The following SV2C variants were observed in gnomAD, a reference collection of about 807,000 sequenced individuals.
SV2C encodes solute carrier family 22 member B3.
A neutral mutation model predicts 79.7 loss-of-function variants in SV2C; 49 were observed. That is an observed-to-expected ratio of 0.61 (90% CI 0.49 to 0.78). The LOEUF (loss-of-function observed/expected upper bound fraction) is 0.78, where lower values mean the gene tolerates loss of function less well. Among genes scored for constraint, SV2C ranks in the 30% least tolerant of loss-of-function variants. The pLI, the probability that SV2C is intolerant of heterozygous loss-of-function variation, is 0.00. For synonymous variants in SV2C, 334 were observed against 333.2 expected (o/e 1.00, Z -0.03); for missense variants, 833 against 912.9 (o/e 0.91, Z 1.13).
the SV2C span, among the ~76,000 whole-genome samples, chr5:75,912,025 G>A: frequency 2.0e-4 from 31 of 152,148 alleles, no homozygotes; most frequent in Non-Finnish European, 3.2e-4. Context: ...TAATGGAGGC[G>A]GAGGAGAAGA....
intron 5 of SV2C, 32 bp from the exon 6 acceptor site, chr5:76,285,749 C>A: frequency 6.3e-7 from 1 of 1,591,212 alleles, no homozygotes; most frequent in South Asian, 1.1e-5. Context: ...TGTGTCACTC[C>A]TAGCGCTTCA....
rs1046430369 is a variant in SV2C, at chr5:76,139,023, G to A, written c.580+6693G>A. 3.5e-4 allele frequency among the ~76,000 whole-genome samples: 54 copies of A among 152,198 alleles called. 1 individual carries two copies. The highest frequency in any genetic ancestry group is 1.3e-3 in the Admixed American group (20 of 15,298). ...AGTCCCAGCTACTCAGGAGGCTGAGGCAGGAGAATGGCATGAACCCGGGAG... is the reference window on the plus strand; with the variant it reads ...AGTCCCAGCTACTCAGGAGGCTGAGACAGGAGAATGGCATGAACCCGGGAG... On this transcript the variant is annotated intron_variant, in intron 2 of 12. Coordinates refer to ENST00000502798, the MANE Select transcript of SV2C (RefSeq NM_014979.4).
At chr5:76,024,202 T>A in the SV2C span, among the ~76,000 whole-genome samples, 111 of 152,280 alleles carry the variant, frequency 7.3e-4, no homozygotes, top group East Asian at 8.5e-3. Context: ...TTCTGGGGAT[T>A]TCTATAAGCA....
chr5:75,952,038 CA>C, the SV2C span, among the ~76,000 whole-genome samples: 1 of 151,892 alleles, frequency 6.6e-6, no homozygotes, highest in Non-Finnish European at 1.5e-5. Context: ...GAATGATAAG[CA>C]GGTAGCCCAA....
chr5:76,271,891 A>G (rs571618149), intron 4 of SV2C, among the ~76,000 whole-genome samples: 1 of 152,268 alleles, frequency 6.6e-6, no homozygotes, highest in South Asian at 2.1e-4. Flanking sequence ...GAGGGAGAGT[A>G]TGATGTCCCC....
At chr5:75,970,966 C>T in the SV2C span, among the ~76,000 whole-genome samples, 2 of 152,076 alleles carry the variant, frequency 1.3e-5, no homozygotes, top group Non-Finnish European at 2.9e-5. Flanking sequence ...CATCAAAAAG[C>T]TTATCCACCA....
chr5:75,853,403 A>C, the SV2C span, among the ~76,000 whole-genome samples: 1 of 151,806 alleles, frequency 6.6e-6, no homozygotes. Flanking sequence ...AAAAATACAA[A>C]AAACTAGCCG....
chr5:75,936,446 C>A, the SV2C span, among the ~76,000 whole-genome samples: 1 of 151,932 alleles, frequency 6.6e-6, no homozygotes, highest in Non-Finnish European at 1.5e-5. Flanking sequence ...AATTAATTTC[C>A]AACTATTAAT....
chr5:76,071,019 T>C, the SV2C span, among the ~76,000 whole-genome samples: 1 of 152,192 alleles, frequency 6.6e-6, no homozygotes, highest in Admixed American at 6.5e-5. Context: ...ACCATACTTT[T>C]AGGGTACCCA....
chr5:76,066,036 C>T, the SV2C span, among the ~76,000 whole-genome samples: 170 of 152,282 alleles, frequency 1.1e-3, no homozygotes, highest in African/African-American at 3.5e-3. Flanking sequence ...AAGGACCTTT[C>T]CTGACATTTT....
upstream of SV2C, among the ~76,000 whole-genome samples, chr5:76,081,481 A>G (rs1174963073): frequency 6.6e-6 from 1 of 152,220 alleles, no homozygotes; most frequent in Non-Finnish European, 1.5e-5. Flanking sequence ...TTGTCATAGT[A>G]GCAGCACATT....
the SV2C span, among the ~76,000 whole-genome samples, chr5:76,020,641 A>C: frequency 6.6e-6 from 1 of 152,126 alleles, no homozygotes; most frequent in South Asian, 2.1e-4. Flanking sequence ...TGATGGTTGG[A>C]GTGTGACTAC....
upstream of SV2C, chr5:76,079,183 G>C: frequency 2.9e-6 from 1 of 344,146 alleles, no homozygotes; most frequent in East Asian, 7.3e-5. Context: ...TGATTCGGCA[G>C]AGTGATTTGG....
At chr5:75,951,670 GA>G in the SV2C span, among the ~76,000 whole-genome samples, 1 of 152,018 alleles carries the variant, frequency 6.6e-6, no homozygotes, top group South Asian at 2.1e-4. Context: ...AGAAATTCGG[GA>G]AACAGAAAAC....
intron 12 of SV2C, among the ~76,000 whole-genome samples, chr5:76,319,324 G>A (rs919664498): frequency 1.3e-5 from 2 of 152,026 alleles, no homozygotes; most frequent in Non-Finnish European, 2.9e-5. Context: ...AGGCTGAGGT[G>A]GGAAAATCAT....
chr5:76,307,673 T>A (rs953431613), intron 12 of SV2C, among the ~76,000 whole-genome samples: 2 of 152,308 alleles, frequency 1.3e-5, no homozygotes, highest in African/African-American at 4.8e-5. Flanking sequence ...TTGTTATAGT[T>A]CCGCAGGTCC....
At chr5:76,143,863 G>A (rs553676076) in intron 2 of SV2C, among the ~76,000 whole-genome samples, 1 of 152,324 alleles carries the variant, frequency 6.6e-6, no homozygotes, top group Middle Eastern at 3.4e-3. Context: ...CGTTCTTGGA[G>A]TTGTAGAGCT....
At chr5:76,299,970 A>C (rs370840776) in intron 10 of SV2C, among the ~76,000 whole-genome samples, 15 of 152,188 alleles carry the variant, frequency 9.9e-5, no homozygotes, top group African/African-American at 3.6e-4. Flanking sequence ...ATTCATGCAC[A>C]TAGACTTTAA....
the SV2C span, among the ~76,000 whole-genome samples, chr5:75,988,932 A>G: frequency 6.6e-6 from 1 of 151,896 alleles, no homozygotes; most frequent in Non-Finnish European, 1.5e-5. Flanking sequence ...TCACTGCATT[A>G]GTTTCCTCCC....
Sources: allele counts gnomAD v4.1 joint callset (sites outside exome capture counted in the v4.1 genomes callset), GRCh38; gene constraint gnomAD v4.1.1; transcripts MANE v1.5; gene names NCBI Gene and HGNC (gene_info 2026-07-23, HGNC 2026-07-21).